Variants in RBFOX1 observed in about 807,000 individuals in gnomAD.
The protein encoded by RBFOX1 is RNA binding protein fox-1 homolog 1.
Under a neutral mutation model 57.7 loss-of-function variants are expected in RBFOX1, and 8 were observed. The observed-to-expected ratio is 0.14, with a 90% CI of 0.08 to 0.25. RBFOX1 has a LOEUF of 0.25. Ranked by LOEUF, RBFOX1 falls within the 10% of genes least tolerant of loss-of-function variation. The pLI is 1.00. For synonymous variants in RBFOX1, 326 were observed against 222.4 expected (o/e 1.47, Z -4.15); for missense variants, 611 against 548.5 (o/e 1.11, Z -1.14).
intron 3 of RBFOX1, among the ~76,000 whole-genome samples, chr16:6,939,631 C>G (rs150247107): frequency 2.0e-5 from 3 of 151,808 alleles, no homozygotes; most frequent in Non-Finnish European, 4.4e-5. Flanking sequence ...CATGCCTCAA[C>G]CACCTGAGTA....
intron 2 of RBFOX1, among the ~76,000 whole-genome samples, chr16:6,453,744 G>A (rs1567311052): frequency 1.3e-5 from 2 of 152,210 alleles, no homozygotes; most frequent in Admixed American, 6.5e-5. Flanking sequence ...TGGCAGCCAT[G>A]AGCCCCATGT....
chr16:5,394,522 C>T (rs189460696), intron 1 of RBFOX1, among the ~76,000 whole-genome samples: 2 of 151,398 alleles, frequency 1.3e-5, no homozygotes, highest in Admixed American at 1.3e-4. Flanking sequence ...CCCTTCTTCT[C>T]TTCTCTTGTC....
At chr16:6,705,904 A>G (rs530573637) in intron 3 of RBFOX1, among the ~76,000 whole-genome samples, 1 of 152,240 alleles carries the variant, frequency 6.6e-6, no homozygotes, top group Admixed American at 6.5e-5. Flanking sequence ...TCTAGTCCCA[A>G]CTACTCAGGA....
At chr16:5,324,704 G>A (rs2064514070) in intron 1 of RBFOX1, among the ~76,000 whole-genome samples, 1 of 152,136 alleles carries the variant, frequency 6.6e-6, no homozygotes, top group Non-Finnish European at 1.5e-5. Context: ...ACTAACACAA[G>A]AATAGAAAAC....
chr16:6,823,801 G>C (rs1285459983), intron 3 of RBFOX1, among the ~76,000 whole-genome samples: 4 of 152,132 alleles, frequency 2.6e-5, no homozygotes, highest in Non-Finnish European at 5.9e-5. Context: ...AATAATAGGA[G>C]ATTCCTACCT....
intron 1 of RBFOX1, among the ~76,000 whole-genome samples, chr16:6,176,164 A>G (rs529884273): frequency 6.4e-4 from 98 of 152,034 alleles, no homozygotes; most frequent in African/African-American, 2.3e-3. Flanking sequence ...TTTTTATTTG[A>G]GACCTAGTCT....
chr16:5,466,917 C>T lies in RBFOX1; in HGVS notation c.220-299C>T, dbSNP rs772475916. ...ATCTTGTTATCATCATAGGAATTAT[C>T]ATTCTGATCTGATCTTCATTTATTA... On this transcript the variant is annotated intron_variant, in intron 1 of 2. Coordinates refer to the RBFOX1 transcript ENST00000585867. Among the ~76,000 whole-genome samples the T allele has an allele frequency of 2.6e-5, 4 of 152,148 alleles. No individual in the cohort carries two copies. The South Asian group carries it at 6.2e-4, about 24-fold the overall frequency.
chr16:5,857,936 G>A (rs2057113718), intron 3 of RBFOX1, among the ~76,000 whole-genome samples: 1 of 152,086 alleles, frequency 6.6e-6, no homozygotes, highest in African/African-American at 2.4e-5. Flanking sequence ...GACAAAGTGA[G>A]ACCCTGTCTC....
intron 6 of RBFOX1, 83 bp downstream of exon 6, chr16:7,580,003 C>G (rs1365327505): frequency 4.1e-6 from 6 of 1,465,458 alleles, no homozygotes; most frequent in Non-Finnish European, 5.7e-6. Context: ...GGGGTATTTA[C>G]AATACTAAGG....
intron 3 of RBFOX1, among the ~76,000 whole-genome samples, chr16:6,834,765 T>A (rs931348051): frequency 6.6e-6 from 1 of 152,188 alleles, no homozygotes; most frequent in African/African-American, 2.4e-5. Context: ...TTGCATTTAC[T>A]CAGGTAACTG....
Position 5,956,678 on chromosome 16 carries a change from A to ATATATTT in RBFOX1, c.351+89344_351+89345insATATTTT, listed in dbSNP as rs368096576. ...TATATTTATATATATATATATATAT[A>ATATATTT]TTTTTTTTGAGGCACAGTCTCATCC... On this transcript the variant is annotated intron_variant, in intron 4 of 19. Transcript: ENST00000641259. Among the ~76,000 whole-genome samples, 178 of 116,454 alleles carry ATATATTT rather than the reference A, an allele frequency of 1.5e-3. No individual in the cohort carries two copies. The East Asian group carries it at 0.02, about 13-fold the overall frequency. 76.4% of individuals were successfully genotyped at this position (116,454 alleles called of 152,430 possible).
rs976942511 is a variant in RBFOX1 at position 5,993,986 on chromosome 16, C to T, written c.351+126651C>T. On this transcript the variant is annotated intron_variant, in intron 4 of 19. Transcript: ENST00000641259. ...GCTGGGGATGTTGGCACGTATGGGA[C>T]GGTTCCTCTGAAAGCATGACTTGAG... is the stretch of plus-strand genomic sequence containing the variant. 8.5e-5 allele frequency among the ~76,000 whole-genome samples: 13 copies of T among 152,208 alleles called. No homozygotes were observed. In the East Asian group the frequency reaches 1.4e-3, roughly 16 times the overall value.
intron 1 of RBFOX1, among the ~76,000 whole-genome samples, chr16:6,206,136 G>T (rs1205648222): frequency 6.6e-6 from 1 of 152,080 alleles, no homozygotes; most frequent in African/African-American, 2.4e-5. Flanking sequence ...ATCTGACTCA[G>T]GAAGAAAACT....
intron 2 of RBFOX1, among the ~76,000 whole-genome samples, chr16:6,526,728 G>A (rs1178365035): frequency 6.7e-6 from 1 of 150,080 alleles, no homozygotes; most frequent in African/African-American, 2.4e-5. Context: ...TACTAGGGAG[G>A]CTGAGGCAGG....
intron 2 of RBFOX1, among the ~76,000 whole-genome samples, chr16:6,569,515 C>G (rs753285834): frequency 2.0e-5 from 3 of 152,170 alleles, no homozygotes; most frequent in Non-Finnish European, 4.4e-5. Flanking sequence ...TGGAAGTGTC[C>G]TAGACAGACC....
intron 4 of RBFOX1, among the ~76,000 whole-genome samples, chr16:7,099,717 G>A (rs1216291599): frequency 6.6e-6 from 1 of 152,154 alleles, no homozygotes; most frequent in African/African-American, 2.4e-5. Flanking sequence ...GGAAGGGAGG[G>A]ACACTTCAAG....
intron 2 of RBFOX1, among the ~76,000 whole-genome samples, chr16:5,554,407 T>G (rs550912140): frequency 6.6e-6 from 1 of 152,276 alleles, no homozygotes; most frequent in East Asian, 1.9e-4. Flanking sequence ...AAATTAAAAT[T>G]ATTTTTCTAT....
At chr16:6,052,023 C>T (rs958744409) in intron 1 of RBFOX1, among the ~76,000 whole-genome samples, 12 of 152,180 alleles carry the variant, frequency 7.9e-5, no homozygotes, top group African/African-American at 2.9e-4. Context: ...CTAGTCCAGT[C>T]CCCATCATGC....
In RBFOX1 at chr16:7,460,370, A is replaced by AAT. The variant is rs879898472; in HGVS notation, c.28-57758_28-57757dup. 8.5e-3 allele frequency among the ~76,000 whole-genome samples: 642 copies of AAT among 75,962 alleles called. 24 individuals are homozygous for AAT. Among genetic ancestry groups the AAT allele is most frequent in the Middle Eastern group, 0.033 (4 of 122 alleles). 49.8% of individuals were successfully genotyped at this position (75,962 alleles called of 152,430 possible). ...ATGATTTGCCTTAATCATTTAGCAA[A>AAT]ATATATATATATATATATATGTGTG... On this transcript the variant is annotated intron_variant, in intron 4 of 15. Coordinates refer to ENST00000550418, the MANE Select transcript of RBFOX1 (RefSeq NM_018723.4).
Sources: gnomAD v4.1 joint callset for allele counts (sites outside exome capture counted in the v4.1 genomes callset) on GRCh38, gnomAD v4.1.1 for gene constraint, MANE v1.5 for transcripts, NCBI Gene and HGNC (gene_info 2026-07-23, HGNC 2026-07-21) for gene names.